NUP210: variants seen among roughly 807,000 people sequenced by gnomAD.
The protein encoded by NUP210 is nuclear pore membrane glycoprotein 210.
In NUP210, 151 loss-of-function variants were observed where a neutral mutation model predicts 196.0. The ratio of observed to expected loss-of-function variants is 0.77; its 90% CI spans 0.67 to 0.88. The LOEUF (loss-of-function observed/expected upper bound fraction) is 0.88. Among genes scored for constraint, NUP210 ranks in the 40% least tolerant of loss-of-function variants. The pLI, the probability that NUP210 is intolerant of heterozygous loss-of-function variation, is 0.00. For synonymous variants in NUP210, 1,070 were observed against 1,052.7 expected, an observed-to-expected ratio of 1.02 and a Z score of -0.32; for missense variants, 2,314 against 2,493.7, an observed-to-expected ratio of 0.93 and a Z score of 1.53.
chr3:13,344,885 G>A, intron 20 of NUP210: 1 of 975,492 alleles, frequency 1.0e-6, no homozygotes, highest in Non-Finnish European at 1.2e-6. Flanking sequence ...TCATCCTCCA[G>A]GCCCAGGTCC....
intron 13 of NUP210, among the ~76,000 whole-genome samples, chr3:13,369,217 G>A (rs562476548): frequency 3.0e-4 from 45 of 152,276 alleles, no homozygotes; most frequent in African/African-American, 1.0e-3. Flanking sequence ...CTTATTGTCC[G>A]TGTATCAGCT....
At position 13,369,517 on chromosome 3, in the gene NUP210, C is replaced by A. The variant is rs1324596589; in HGVS notation, c.1786+2317G>T. ...ATTCCAATGTCCTGAAGCTTTCCTCCAGTTTTCTTTTAGAAGTTTTATAGT... is the reference window on the plus strand; with the variant it reads ...ATTCCAATGTCCTGAAGCTTTCCTCAAGTTTTCTTTTAGAAGTTTTATAGT... On this transcript the variant is annotated intron_variant, in intron 13 of 39. Transcript: ENST00000254508. Among the ~76,000 whole-genome samples, 3 of 152,086 alleles carry A rather than the reference C, an allele frequency of 2.0e-5. No individual in the cohort carries two copies. The East Asian group carries it at 5.8e-4, about 29-fold the overall frequency.
At chr3:13,365,851 C>T (rs1407453460) in intron 14 of NUP210, 95 bp downstream of exon 14, 7 of 1,333,346 alleles carry the variant, frequency 5.2e-6, no homozygotes, top group South Asian at 3.7e-5. Context: ...TTGAAGGAAT[C>T]GGGTTTATCA....
intron 14 of NUP210, among the ~76,000 whole-genome samples, chr3:13,364,741 T>A (rs1698474432): frequency 2.0e-5 from 3 of 152,016 alleles, no homozygotes. Flanking sequence ...GGCAGGAGAA[T>A]CGCTTAACCC....
At chr3:13,365,877 G>T in intron 14 of NUP210, 69 bp downstream of exon 14, 1 of 1,544,334 alleles carries the variant, frequency 6.5e-7, no homozygotes, top group Non-Finnish European at 8.9e-7. Context: ...ATTCGTCAGA[G>T]CAAATGGGTA....
Position 13,321,604 on chromosome 3 carries a change from T to C in NUP210, c.5147A>G (p.Glu1716Gly). The C allele has an allele frequency of 6.2e-7, 1 of 1,613,960 alleles. No homozygotes were observed. Among genetic ancestry groups the C allele is most frequent in the Non-Finnish European group, 8.5e-7 (1 of 1,179,868 alleles). ...ACTCACCTCCAAGTTCTCCAGAACC[T>C]CCGGGGCACCAAAGACCCTGATCTC... ...SSEIRVFGAP[E>G]VLENLEVKSG... Residue 1716 changes from glutamate to glycine, a missense_variant, in exon 36 of 40, where the codon GAG (glutamate) becomes GGG (glycine). Physicochemically the swap from Glu to Gly is moderately conservative, Grantham distance 98. Transcript: ENST00000254508.
At chr3:13,375,142 C>CTTTTTTTTTTTTTTTTTCTT (rs76945178) in intron 11 of NUP210, among the ~76,000 whole-genome samples, 1 of 138,434 alleles carries the variant, frequency 7.2e-6, no homozygotes, top group Non-Finnish European at 1.5e-5. Flanking sequence ...TATTTTTTCT[C>CTTTTTTTTTTTTTTTTTCTT]TTTTTTTTTT....
intron 39 of NUP210, 25 bp from the exon 40 acceptor site, chr3:13,317,806 T>C: frequency 1.3e-6 from 2 of 1,525,712 alleles, no homozygotes; most frequent in Non-Finnish European, 1.8e-6. Flanking sequence ...GAGACGATGT[T>C]AGCAGCAGAG....
intron 20 of NUP210, among the ~76,000 whole-genome samples, chr3:13,344,261 T>C (rs969648265): frequency 2.6e-5 from 4 of 152,364 alleles, no homozygotes; most frequent in Non-Finnish European, 5.9e-5. Flanking sequence ...CTGCAGAAGA[T>C]GGGCATTCAC....
chr3:13,321,714 C>G lies in NUP210; in HGVS notation c.5037G>C (p.Glu1679Asp), dbSNP rs61756079. Residue 1679 changes from glutamate (E) to aspartate (D), a missense_variant, in exon 36 of 40, where the codon GAG becomes GAC. Physicochemically the swap from Glu to Asp is conservative, Grantham distance 45. Coordinates refer to ENST00000254508, the MANE Select transcript of NUP210 (RefSeq NM_024923.4). ...ASLSSSHFST[E>D]QVGAEVPFSP... Reference sequence around the variant, plus strand: ...TGAAGGGCACCTCGGCCCCCACCTGCTCTGTGGAGAAGTGGCTGCTGGAGA... The same window carrying G: ...TGAAGGGCACCTCGGCCCCCACCTGGTCTGTGGAGAAGTGGCTGCTGGAGA... 1 of 1,614,048 alleles carries G rather than the reference C, an allele frequency of 6.2e-7. No homozygotes were observed. The highest frequency in any genetic ancestry group is 8.5e-7 in the Non-Finnish European group (1 of 1,180,050).
In NUP210 at chr3:13,317,413, G is replaced by C. The variant is rs1696311577; in HGVS notation, c.*268C>G. 2.0e-6 allele frequency: 1 copy of C among 491,480 alleles called. No individual in the cohort carries two copies. The highest frequency in any genetic ancestry group is 3.7e-6 in the Non-Finnish European group (1 of 272,170). The allele number at this position is 491,480 out of a possible 1,614,324, so 30.4% of individuals were successfully genotyped here. A position where few individuals can be genotyped will look rare whatever the true frequency, so the allele number is the denominator to read the frequency against. On this transcript the variant is annotated 3_prime_UTR_variant, in exon 40 of 40. Transcript: ENST00000254508. ...AACAGCACATTGTCCAGAAACCCTA[G>C]ACAACCATGCAAAAAGGAATGAGCC...
At chr3:13,372,672 A>G (rs1698772467) in intron 12 of NUP210, among the ~76,000 whole-genome samples, 1 of 152,116 alleles carries the variant, frequency 6.6e-6, no homozygotes, top group Non-Finnish European at 1.5e-5. Context: ...ATTGCATAAA[A>G]CTAGAATCCC....
At chr3:13,330,342 A>C in intron 30 of NUP210, 118 bp downstream of exon 30, 1 of 975,310 alleles carries the variant, frequency 1.0e-6, no homozygotes, top group South Asian at 1.6e-5. Context: ...GTTACTCTAA[A>C]TGCCTGTCTA....
chr3:13,344,413 T>C (rs1253895637), intron 20 of NUP210, among the ~76,000 whole-genome samples: 2 of 152,200 alleles, frequency 1.3e-5, no homozygotes, highest in Non-Finnish European at 2.9e-5. Context: ...CTCCTCTATC[T>C]GGGCCTGGCT....
intron 14 of NUP210, among the ~76,000 whole-genome samples, chr3:13,363,878 A>G (rs1175712163): frequency 6.6e-6 from 1 of 152,116 alleles, no homozygotes; most frequent in African/African-American, 2.4e-5. Flanking sequence ...CTCCAGCCAA[A>G]CACCCTGATA....
In NUP210 at chr3:13,340,897, G is replaced by C. The variant is rs1256677053; in HGVS notation, c.3229-599C>G. 6.6e-6 allele frequency among the ~76,000 whole-genome samples: 1 copy of C among 152,190 alleles called. No homozygotes were observed. Among genetic ancestry groups the C allele is most frequent in the East Asian group, 1.9e-4 (1 of 5,190 alleles). ...ACAAGAGCCTGCCTGGCAAGAGTAGGTGAGTGGACGCAGGAGGTGGCCAGG... is the reference window on the plus strand; with the variant it reads ...ACAAGAGCCTGCCTGGCAAGAGTAGCTGAGTGGACGCAGGAGGTGGCCAGG... On this transcript the variant is annotated intron_variant, in intron 23 of 39. Coordinates refer to ENST00000254508, the MANE Select transcript of NUP210 (RefSeq NM_024923.4). The surrounding 1 kb of genome is among the most constrained non-coding windows in gnomAD (Gnocchi z 4.0).
intron 16 of NUP210, among the ~76,000 whole-genome samples, chr3:13,355,986 A>G (rs752034995): frequency 6.2e-4 from 95 of 152,352 alleles, no homozygotes; most frequent in Admixed American, 5.9e-4. Context: ...CCAAGGTCAC[A>G]CAGGTTTAGG....
intron 4 of NUP210, among the ~76,000 whole-genome samples, chr3:13,390,827 A>G (rs2124935377): frequency 6.6e-6 from 1 of 152,192 alleles, no homozygotes; most frequent in Middle Eastern, 3.4e-3. Flanking sequence ...TCCACCTGAG[A>G]CCCACCGGCA....
At chr3:13,343,465 G>A (rs1697603167) in intron 20 of NUP210, among the ~76,000 whole-genome samples, 162 bp from the exon 21 acceptor site, 1 of 152,184 alleles carries the variant, frequency 6.6e-6, no homozygotes, top group South Asian at 2.1e-4. Context: ...GGAAGCAGTG[G>A]ACAAGGGAAA....
Sources: allele counts gnomAD v4.1 joint callset (sites outside exome capture counted in the v4.1 genomes callset), GRCh38; gene constraint gnomAD v4.1.1; non-coding constraint Gnocchi (gnomAD v3.1); transcripts MANE v1.5; gene names NCBI Gene and HGNC (gene_info 2026-07-23, HGNC 2026-07-21).